Variants in ENOX2 observed in about 807,000 individuals in gnomAD.
ENOX2 encodes the protein APK1 antigen.
ENOX2 carries 36 observed loss-of-function variants against 45.0 expected under a neutral mutation model. That is an observed-to-expected ratio of 0.80 (90% confidence interval 0.61 to 1.06). The LOEUF (loss-of-function observed/expected upper bound fraction) is 1.06. Ranked by LOEUF, ENOX2 falls within the 50% of genes least tolerant of loss-of-function variation. The pLI is 0.00. For synonymous variants in ENOX2, 174 were observed against 152.3 expected (o/e 1.14, Z -1.05); for missense variants, 423 against 462.5 (o/e 0.91, Z 0.78).
chrX:130,840,138 A>G (rs2077989286), intron 2 of ENOX2, among the ~76,000 whole-genome samples: 1 of 111,883 alleles, frequency 8.9e-6, no homozygotes, highest in Non-Finnish European at 1.9e-5. Context: ...TAAATTAAAA[A>G]TATCCTGGTC....
intron 2 of ENOX2, among the ~76,000 whole-genome samples, chrX:130,809,515 T>C (rs1351670195): frequency 4.5e-5 from 5 of 112,046 alleles, no homozygotes; most frequent in Non-Finnish European, 9.4e-5. Context: ...ATCGATGTTT[T>C]TTTATTCTCC....
chrX:130,709,438 A>C, intron 3 of ENOX2: 2 of 521,394 alleles, frequency 3.8e-6, no homozygotes, highest in South Asian at 6.0e-5. Flanking sequence ...CAGGAGTTCA[A>C]GACCAGCCAG....
At chrX:130,853,252 C>A (rs796424443) in intron 2 of ENOX2, among the ~76,000 whole-genome samples, 5 of 108,710 alleles carry the variant, frequency 4.6e-5, no homozygotes, top group Admixed American at 3.9e-4. Context: ...CCGAGGCGGG[C>A]GGATCACGAG....
At chrX:130,813,657 C>T (rs373175487) in intron 2 of ENOX2, among the ~76,000 whole-genome samples, 6 of 111,679 alleles carry the variant, frequency 5.4e-5, no homozygotes, top group Non-Finnish European at 1.1e-4. Context: ...GGTCAGGGAA[C>T]CCCCTCCCCT....
chrX:130,804,400 T>C (rs2077266653), intron 2 of ENOX2, among the ~76,000 whole-genome samples: 1 of 111,868 alleles, frequency 8.9e-6, no homozygotes, highest in South Asian at 3.7e-4. Context: ...GTTAGTAGCC[T>C]CTCTTGACAC....
chrX:130,656,944 T>A (rs1386116071), intron 9 of ENOX2, among the ~76,000 whole-genome samples: 1 of 111,737 alleles, frequency 8.9e-6, no homozygotes, highest in Admixed American at 9.5e-5. Flanking sequence ...ATTCTTATAT[T>A]CCTATCATAT....
intron 4 of ENOX2, among the ~76,000 whole-genome samples, chrX:130,696,273 C>A (rs1434777141): frequency 8.9e-6 from 1 of 111,882 alleles, no homozygotes; most frequent in African/African-American, 3.2e-5. Context: ...TCCCTCAACT[C>A]CTTTTTATTC....
At chrX:130,773,522 T>C (rs2039789639) in intron 3 of ENOX2, among the ~76,000 whole-genome samples, 1 of 112,303 alleles carries the variant, frequency 8.9e-6, no homozygotes, top group African/African-American at 3.2e-5. Flanking sequence ...GTCATAGCGG[T>C]TGGCATACAA....
At position 130,679,073 on chromosome X, in the gene ENOX2, AG is replaced by A. The variant is rs1245275111; in HGVS notation, c.460+468del. ...GGTGCTGTGAAAGCCCTGAGGAAGG[AG>A]TGCCTAAAGCAGTGCTGGGCAGAGT... On this transcript the variant is annotated intron_variant, in intron 6 of 14. Coordinates refer to ENST00000394363, the MANE Select transcript of ENOX2 (RefSeq NM_006375.4). 8.1e-5 allele frequency among the ~76,000 whole-genome samples: 9 copies of A among 111,462 alleles called. No individual in the cohort carries two copies. The Admixed American group carries it at 8.6e-4, about 11-fold the overall frequency.
intron 11 of ENOX2, 91 bp from the exon 12 acceptor site, chrX:130,635,182 C>A: frequency 2.0e-6 from 1 of 490,120 alleles, no homozygotes; most frequent in South Asian, 4.0e-5. Context: ...TCAGGTGGGC[C>A]TGCCTCACTT....
chrX:130,679,972 C>T (rs886976932), intron 5 of ENOX2, among the ~76,000 whole-genome samples: 1 of 111,600 alleles, frequency 9.0e-6, no homozygotes, highest in African/African-American at 3.3e-5. Flanking sequence ...AGCATAAAGA[C>T]CCAGGCCTAT....
At chrX:130,896,355 A>G (rs1194525794) in intron 2 of ENOX2, among the ~76,000 whole-genome samples, 1 of 107,351 alleles carries the variant, frequency 9.3e-6, no homozygotes, top group Non-Finnish European at 1.9e-5. Flanking sequence ...TCCCACTGAG[A>G]AAAAAAAAAC....
chrX:130,828,552 C>G (rs1446241403), intron 2 of ENOX2, among the ~76,000 whole-genome samples: 5 of 111,686 alleles, frequency 4.5e-5, no homozygotes, highest in African/African-American at 1.3e-4. Context: ...ATTCATTGAG[C>G]TCTTTTTTAG....
chrX:130,740,094 T>C (rs1488211455), intron 3 of ENOX2, among the ~76,000 whole-genome samples: 1 of 112,227 alleles, frequency 8.9e-6, no homozygotes, highest in Non-Finnish European at 1.9e-5. Flanking sequence ...TAAAACATGG[T>C]TCCTGACCTC....
At chrX:130,647,588 A>G (rs1217546868) in intron 10 of ENOX2, among the ~76,000 whole-genome samples, 1 of 112,429 alleles carries the variant, frequency 8.9e-6, no homozygotes, top group Non-Finnish European at 1.9e-5. Flanking sequence ...TCCTAAGATC[A>G]AGACATCATT....
Position 130,637,665 on chromosome X carries a change from T to C in ENOX2, c.1130-255A>G, listed in dbSNP as rs181889599. On this transcript the variant is annotated intron_variant, in intron 10 of 14. Transcript: ENST00000394363. ...AGATATTTCGAGGTAGCATCAATTT[T>C]TTTTATTTGAAATGTAGGAAATAAC... is the stretch of plus-strand genomic sequence containing the variant. Among the ~76,000 whole-genome samples the C allele has an allele frequency of 3.9e-3, 437 of 111,729 alleles. 2 individuals are homozygous for C. The highest frequency in any genetic ancestry group is 0.014 in the African/African-American group (423 of 30,762).
intron 2 of ENOX2, among the ~76,000 whole-genome samples, chrX:130,892,075 T>C (rs932565503): frequency 4.5e-5 from 5 of 111,882 alleles, no homozygotes; most frequent in African/African-American, 1.3e-4. Flanking sequence ...GCATCTCGCA[T>C]AGTACTTGAC....
At chrX:130,785,443 G>A (rs759879423) in intron 2 of ENOX2, among the ~76,000 whole-genome samples, 2 of 111,311 alleles carry the variant, frequency 1.8e-5, no homozygotes, top group South Asian at 7.6e-4. Context: ...ATTCCACTTG[G>A]ATCACCTCCA....
intron 2 of ENOX2, among the ~76,000 whole-genome samples, chrX:130,876,454 T>C (rs1440524710): frequency 9.0e-6 from 1 of 110,591 alleles, no homozygotes; most frequent in Non-Finnish European, 1.9e-5. Flanking sequence ...AGGAAGGGAG[T>C]ATAGGAAATT....
Sources: allele counts gnomAD v4.1 joint callset (sites outside exome capture counted in the v4.1 genomes callset), GRCh38; gene constraint gnomAD v4.1.1; transcripts MANE v1.5; gene names NCBI Gene and HGNC (gene_info 2026-07-23, HGNC 2026-07-21).